The following SMIM35 variants were observed in gnomAD, a reference collection of about 807,000 sequenced individuals.
The protein encoded by SMIM35 is TMPRSS4 antisense RNA 1 (non-protein coding).
intron 1 of SMIM35, chr11:118,029,100 C>T (rs948485405): frequency 4.9e-5 from 14 of 286,470 alleles, no homozygotes; most frequent in Admixed American, 3.3e-4. Flanking sequence ...CAATCACACG[C>T]TTGAAGTATA....
At chr11:118,084,734 A>G (rs973881807) in intron 1 of SMIM35, among the ~76,000 whole-genome samples, 1 of 152,380 alleles carries the variant, frequency 6.6e-6, no homozygotes, top group East Asian at 1.9e-4. Flanking sequence ...CAAGCCAGGC[A>G]CATCACATGT....
intron 1 of SMIM35, among the ~76,000 whole-genome samples, chr11:118,060,317 C>T (rs1944375965): frequency 6.6e-6 from 1 of 152,254 alleles, no homozygotes; most frequent in Non-Finnish European, 1.5e-5. Flanking sequence ...CTCAGCCCCA[C>T]TTCCCATGCT....
chr11:118,062,469 G>A (rs1364524034), intron 1 of SMIM35, among the ~76,000 whole-genome samples: 1 of 152,202 alleles, frequency 6.6e-6, no homozygotes, highest in Admixed American at 6.5e-5. Context: ...CTCCTTCCCG[G>A]CCAAAGCAAA....
rs529947607 is a variant in SMIM35, at chr11:118,075,071, A to G, written c.7+11680T>C. 2.0e-5 allele frequency among the ~76,000 whole-genome samples: 3 copies of G among 152,338 alleles called. No homozygotes were observed. The South Asian group carries it at 6.2e-4, about 32-fold the overall frequency. ...CCTGAGCACCAGGTAAAGCAATGCA[A>G]ACCTGTGGGCCAGATGTTTAGCCTG... On this transcript the variant is annotated intron_variant, in intron 1 of 4. Transcript: ENST00000689828.
chr11:118,074,012 C>G (rs754521821), intron 1 of SMIM35, among the ~76,000 whole-genome samples: 13 of 152,196 alleles, frequency 8.5e-5, no homozygotes, highest in African/African-American at 1.4e-4. Flanking sequence ...CTGAGGTCAC[C>G]TGTATGGGAC....
At chr11:118,039,870 C>T (rs541886948) in intron 1 of SMIM35, among the ~76,000 whole-genome samples, 1 of 151,568 alleles carries the variant, frequency 6.6e-6, no homozygotes, top group African/African-American at 2.4e-5. Flanking sequence ...CATGGTGAAG[C>T]CCCGTCTCTA....
intron 1 of SMIM35, among the ~76,000 whole-genome samples, chr11:118,075,720 T>C (rs1944663541): frequency 6.6e-6 from 1 of 152,242 alleles, no homozygotes; most frequent in African/African-American, 2.4e-5. Flanking sequence ...GCTGGTCTCC[T>C]GGGAGGGTCA....
At chr11:118,064,898 C>T (rs773640144) in intron 1 of SMIM35, among the ~76,000 whole-genome samples, 2 of 152,286 alleles carry the variant, frequency 1.3e-5, no homozygotes, top group East Asian at 1.9e-4. Flanking sequence ...ACCCGCCTGG[C>T]GGAATTGTGC....
intron 1 of SMIM35, among the ~76,000 whole-genome samples, chr11:118,045,795 A>T (rs1944088458): frequency 6.6e-6 from 1 of 152,216 alleles, no homozygotes; most frequent in Admixed American, 6.5e-5. Context: ...CAGACAGCAG[A>T]TTTCAGGCAG....
chr11:118,085,932 TG>T (rs898293040), intron 1 of SMIM35, among the ~76,000 whole-genome samples: 5 of 152,172 alleles, frequency 3.3e-5, no homozygotes, highest in African/African-American at 1.2e-4. Flanking sequence ...TTCAGAAAGG[TG>T]GGAGAGAATG....
chr11:118,026,070 T>A (rs2058271757), intron 1 of SMIM35, among the ~76,000 whole-genome samples: 1 of 152,236 alleles, frequency 6.6e-6, no homozygotes, highest in South Asian at 2.1e-4. Flanking sequence ...CATTTCTTAT[T>A]ATTGTAGCCT....
rs12576726 is a variant in SMIM35 at position 118,013,668 on chromosome 11, C to A, written c.*33+80G>T. ...TTTGGGTTCCAAGTGGTCCTTGGTG[C>A]GAGGCTTGGGTGACTGGACCCTCTT... On this transcript the variant is annotated intron_variant, in intron 4 of 4. Coordinates refer to ENST00000689828, the MANE Select transcript of SMIM35 (RefSeq NM_001394165.1). The A allele has an allele frequency of 8.0e-4, 318 of 395,260 alleles. 2 individuals are homozygous for A. The East Asian group carries it at 0.011, about 13-fold the overall frequency. The allele number at this position is 395,260 out of a possible 1,614,324, so 24.5% of individuals were successfully genotyped here.
At chr11:118,070,864 C>G (rs776646249) in intron 1 of SMIM35, among the ~76,000 whole-genome samples, 1 of 152,146 alleles carries the variant, frequency 6.6e-6, no homozygotes, top group South Asian at 2.1e-4. Flanking sequence ...CCAGTGTAGG[C>G]CCCCTCCAGG....
chr11:118,085,022 G>C (rs1025365012), intron 1 of SMIM35, among the ~76,000 whole-genome samples: 1 of 152,176 alleles, frequency 6.6e-6, no homozygotes. Context: ...GCAAAGACCA[G>C]ATGGGGCTCC....
chr11:118,014,900 C>T (rs1186774684), intron 2 of SMIM35, among the ~76,000 whole-genome samples, 159 bp from the exon 3 acceptor site: 1 of 152,102 alleles, frequency 6.6e-6, no homozygotes, highest in Admixed American at 6.6e-5. Context: ...TCCTTCAGGG[C>T]CCCCCATTAA....
chr11:118,032,525 G>A (rs2058327843), intron 1 of SMIM35, among the ~76,000 whole-genome samples: 1 of 152,138 alleles, frequency 6.6e-6, no homozygotes, highest in Admixed American at 6.5e-5. Flanking sequence ...GGAACTGGGT[G>A]GTGGTAGGAA....
chr11:118,073,269 A>G (rs1944601488), intron 1 of SMIM35, among the ~76,000 whole-genome samples: 2 of 152,182 alleles, frequency 1.3e-5, no homozygotes, highest in African/African-American at 2.4e-5. Context: ...TAACAACCCT[A>G]TGAGGTCAGA....
At chr11:118,021,145 A>G (rs1238486489) in intron 1 of SMIM35, among the ~76,000 whole-genome samples, 1 of 151,970 alleles carries the variant, frequency 6.6e-6, no homozygotes, top group Admixed American at 6.6e-5. Context: ...TACTAGCTCA[A>G]TGTTTTCATC....
At chr11:118,076,508 G>A (rs1389810961) in intron 1 of SMIM35, among the ~76,000 whole-genome samples, 1 of 151,160 alleles carries the variant, frequency 6.6e-6, no homozygotes, top group Non-Finnish European at 1.5e-5. Flanking sequence ...ACGAGGAGAC[G>A]TGGGCTCTAG....
Sources: gnomAD v4.1 joint callset for allele counts (sites outside exome capture counted in the v4.1 genomes callset) on GRCh38, gnomAD v4.1.1 for gene constraint, MANE v1.5 for transcripts, NCBI Gene and HGNC (gene_info 2026-07-23, HGNC 2026-07-21) for gene names.